MYBPC1: variants seen among roughly 807,000 people sequenced by gnomAD.
MYBPC1 encodes the protein myosin-binding protein C, slow-type.
A neutral mutation model predicts 147.1 loss-of-function variants in MYBPC1; 52 were observed. That is an observed-to-expected ratio of 0.35 (90% CI 0.28 to 0.45). The LOEUF (loss-of-function observed/expected upper bound fraction) is 0.45. Among genes scored for constraint, MYBPC1 ranks in the 20% least tolerant of loss-of-function variants. The probability of loss-of-function intolerance (pLI) is 1.00; values close to 1 mark genes in which losing one functional copy is unlikely to be tolerated. For missense variants in MYBPC1, 1,228 were observed against 1,440.3 expected, an observed-to-expected ratio of 0.85 and a Z score of 2.39; for synonymous variants, 477 against 475.9, an observed-to-expected ratio of 1.00 and a Z score of -0.03.
intron 31 of MYBPC1, among the ~76,000 whole-genome samples, 200 bp downstream of exon 31, chr12:101,684,624 G>A (rs1238467518): frequency 2.0e-5 from 3 of 152,134 alleles, no homozygotes; most frequent in Non-Finnish European, 4.4e-5. Flanking sequence ...GTCTCCTACT[G>A]ACATGAAGCA....
chr12:101,672,962 T>A (rs1370590877), intron 24 of MYBPC1, among the ~76,000 whole-genome samples: 1 of 152,230 alleles, frequency 6.6e-6, no homozygotes, highest in East Asian at 1.9e-4. Flanking sequence ...TTATTCCCGT[T>A]GAGGCACAGA....
intron 2 of MYBPC1, 113 bp from the exon 3 acceptor site, chr12:101,617,089 A>C (rs550671201): frequency 2.2e-6 from 2 of 900,300 alleles, no homozygotes; most frequent in Non-Finnish European, 3.6e-6. Context: ...AGTATCATTT[A>C]TGACCTGTTC....
chr12:101,682,623 T>C lies in MYBPC1; in HGVS notation c.3453T>C (p.Asn1151=), dbSNP rs1951089021. ...LEVKVIYQGV[N]TPGQPVFLEG... Reference sequence around the variant, plus strand: ...CTGCAGTGATATATCAAGGAGTAAATACCCCTGGACAACCAGTCTTCCTGG... The same window carrying C: ...CTGCAGTGATATATCAAGGAGTAAACACCCCTGGACAACCAGTCTTCCTGG... The change falls in exon 30 of 32, where the codon AAT becomes AAC. Residue 1151 remains asparagine, a synonymous_variant. Transcript: ENST00000361466. The C allele has an allele frequency of 6.2e-7, 1 of 1,613,000 alleles. No individual in the cohort carries two copies. Among genetic ancestry groups the C allele is most frequent in the African/African-American group, 1.3e-5 (1 of 75,006 alleles).
At chr12:101,636,626 T>C in intron 9 of MYBPC1, 46 bp from the exon 10 acceptor site, 1 of 1,538,992 alleles carries the variant, frequency 6.5e-7, no homozygotes, top group Middle Eastern at 1.7e-4. Context: ...TTGTTGTGTA[T>C]GTCTCTGCAT....
At chr12:101,686,323 C>G (rs2136976707), downstream of MYBPC1, among the ~76,000 whole-genome samples, 1 of 152,314 alleles carries the variant, frequency 6.6e-6, no homozygotes, top group East Asian at 1.9e-4. Flanking sequence ...GCCAGCATGC[C>G]CCTGAACCCA....
intron 28 of MYBPC1, 143 bp from the exon 29 acceptor site, chr12:101,680,200 A>G: frequency 3.7e-6 from 3 of 802,964 alleles, no homozygotes; most frequent in Non-Finnish European, 6.2e-6. Context: ...AATGTGAGAA[A>G]TAGTGTCAAG....
intron 6 of MYBPC1, among the ~76,000 whole-genome samples, chr12:101,630,268 T>C (rs922221048): frequency 1.3e-5 from 2 of 152,236 alleles, no homozygotes; most frequent in Non-Finnish European, 2.9e-5. Flanking sequence ...GTGTATACAC[T>C]AAATCCTGCT....
intron 28 of MYBPC1, 109 bp from the exon 29 acceptor site, chr12:101,680,234 C>A: frequency 9.6e-7 from 1 of 1,039,632 alleles, no homozygotes; most frequent in Non-Finnish European, 1.5e-6. Context: ...TTCTCAGATG[C>A]ACTTTCTTTT....
At chr12:101,691,176 A>C in the MYBPC1 span, among the ~76,000 whole-genome samples, 2 of 152,188 alleles carry the variant, frequency 1.3e-5, no homozygotes, top group East Asian at 3.8e-4. Context: ...GGTTCAAGCA[A>C]TTCTCCTGCC....
At chr12:101,634,183 A>T (rs995729483) in intron 8 of MYBPC1, among the ~76,000 whole-genome samples, 3 of 152,068 alleles carry the variant, frequency 2.0e-5, no homozygotes, top group Non-Finnish European at 2.9e-5. Flanking sequence ...TACAGGCGTG[A>T]GCCACCGCGC....
chr12:101,650,375 A>T, intron 15 of MYBPC1, among the ~76,000 whole-genome samples: 1 of 152,184 alleles, frequency 6.6e-6, no homozygotes, highest in Non-Finnish European at 1.5e-5. Context: ...TAAAGGAAAA[A>T]GCTTCAGTTG....
chr12:101,651,222 T>C lies in MYBPC1; in HGVS notation c.1364-9T>C, dbSNP rs1467073949. 7 of 1,614,126 alleles carry C rather than the reference T, an allele frequency of 4.3e-6. No individual in the cohort carries two copies. The highest frequency in any genetic ancestry group is 5.9e-6 in the Non-Finnish European group (7 of 1,179,964). ...GCTTGGCATTTGTGATGGTCTATCATTTCTACAGTGAAACCTCTGAAGATT... is the reference window on the plus strand; with the variant it reads ...GCTTGGCATTTGTGATGGTCTATCACTTCTACAGTGAAACCTCTGAAGATT... On this transcript the variant is annotated splice_polypyrimidine_tract_variant and intron_variant, in intron 15 of 31. Coordinates refer to ENST00000361466, the MANE Select transcript of MYBPC1 (RefSeq NM_002465.4).
At chr12:101,663,007 AAGTT>A (rs1286680573) in intron 21 of MYBPC1, among the ~76,000 whole-genome samples, 12 of 152,180 alleles carry the variant, frequency 7.9e-5, no homozygotes, top group Admixed American at 2.0e-4. Flanking sequence ...TAAATCAAAA[AAGTT>A]AGTTCAGTGA....
intron 4 of MYBPC1, 141 bp downstream of exon 4, chr12:101,627,051 A>T: frequency 1.3e-6 from 1 of 747,512 alleles, no homozygotes; most frequent in Non-Finnish European, 2.2e-6. Context: ...GGCACCAAGA[A>T]GGAAATGTTG....
intron 25 of MYBPC1, among the ~76,000 whole-genome samples, chr12:101,674,625 T>C (rs1451128828): frequency 6.6e-6 from 1 of 151,722 alleles, no homozygotes; most frequent in African/African-American, 2.4e-5. Flanking sequence ...TACCAGCACT[T>C]TGGGAGGTGG....
At chr12:101,636,251 C>T (rs867722674) in intron 9 of MYBPC1, among the ~76,000 whole-genome samples, 2 of 152,222 alleles carry the variant, frequency 1.3e-5, no homozygotes, top group South Asian at 4.1e-4. Flanking sequence ...TGGTACACTT[C>T]GTCCTCCAAG....
At chr12:101,640,193 G>A (rs1027112207) in intron 10 of MYBPC1, among the ~76,000 whole-genome samples, 3 of 151,878 alleles carry the variant, frequency 2.0e-5, no homozygotes, top group Non-Finnish European at 4.4e-5. Context: ...TGTATTTTTT[G>A]TAGAGACGGG....
rs532054249 is a variant in MYBPC1, at chr12:101,639,098, T to C, written c.665+2370T>C. Among the ~76,000 whole-genome samples the C allele has an allele frequency of 2.0e-3, 298 of 152,310 alleles. 1 individual carries two copies. Among genetic ancestry groups the C allele is most frequent in the African/African-American group, 6.8e-3 (282 of 41,574 alleles). ...CTGCTCTGAACAAAGCCAGCTTACT[T>C]CAAATAGACATTAGCTAAATCAGAT... On this transcript the variant is annotated intron_variant, in intron 10 of 31. Coordinates refer to ENST00000361466, the MANE Select transcript of MYBPC1 (RefSeq NM_002465.4).
intron 23 of MYBPC1, among the ~76,000 whole-genome samples, chr12:101,668,677 C>T (rs961243911): frequency 1.3e-5 from 2 of 152,092 alleles, no homozygotes; most frequent in African/African-American, 2.4e-5. Flanking sequence ...GTTGGTCAGG[C>T]TGGTCTCGAA....
Sources: allele counts gnomAD v4.1 joint callset (sites outside exome capture counted in the v4.1 genomes callset), GRCh38; gene constraint gnomAD v4.1.1; transcripts MANE v1.5; gene names NCBI Gene and HGNC (gene_info 2026-07-23, HGNC 2026-07-21).